Variants in MAPKBP1 observed in about 807,000 individuals in gnomAD.
MAPKBP1 encodes the protein mitogen-activated protein kinase binding protein 1.
In MAPKBP1, 71 loss-of-function variants were observed where a neutral mutation model predicts 170.5. The observed-to-expected ratio is 0.42, with a 90% CI of 0.34 to 0.51. The LOEUF (loss-of-function observed/expected upper bound fraction) is 0.51, where lower values mean the gene tolerates loss of function less well. MAPKBP1 is among the 20% of genes least tolerant of loss of function. The pLI is 0.06. For missense variants in MAPKBP1, 1,598 were observed against 1,933.0 expected, an observed-to-expected ratio of 0.83 and a Z score of 3.25; for synonymous variants, 719 against 757.9, an observed-to-expected ratio of 0.95 and a Z score of 0.84.
At chr15:41,813,881 C>T in intron 9 of MAPKBP1, 100 bp downstream of exon 9, 1 of 1,348,352 alleles carries the variant, frequency 7.4e-7, no homozygotes, top group Non-Finnish European at 1.0e-6. Context: ...TATTGATGCC[C>T]CAAAGATTAT....
At position 41,786,777 on chromosome 15, in the gene MAPKBP1, A is replaced by AAAAATATATAT; in HGVS notation, c.114+11389_114+11390insAAATATATATA. ...CAGACTCCGTCTAAAAAAAAAAAAA[A>AAAAATATATAT]ATATATATATATATATATATATATA... On this transcript the variant is annotated intron_variant, in intron 2 of 30. Coordinates refer to ENST00000457542, the MANE Select transcript of MAPKBP1 (RefSeq NM_014994.3). Among the ~76,000 whole-genome samples, 22 of 32,448 alleles carry AAAAATATATAT rather than the reference A, an allele frequency of 6.8e-4. 1 individual carries two copies. The highest frequency in any genetic ancestry group is 1.4e-3 in the African/African-American group (11 of 7,628). 21.3% of individuals were successfully genotyped at this position (32,448 alleles called of 152,430 possible).
chr15:41,823,089 G>C lies in MAPKBP1; in HGVS notation c.3465G>C (p.Gln1155His). The C allele has an allele frequency of 1.2e-6, 2 of 1,613,886 alleles. No individual in the cohort carries two copies. Among genetic ancestry groups the C allele is most frequent in the African/African-American group, 1.3e-5 (1 of 75,062 alleles). ...CGTCCTCTGGCAACCCCAGCCCCCA[G>C]CAGGCAGCCTCTGTGCTGTTGCCAC... is the stretch of plus-strand genomic sequence containing the variant. Reference protein sequence around the residue: ...VEPSSGNPSPQQAASVLLPRC... With the variant: ...VEPSSGNPSPHQAASVLLPRC... The change falls in exon 28 of 31, where the codon CAG becomes CAC. Residue 1155 changes from glutamine (Q) to histidine (H), a missense_variant. Gln to His is a conservative substitution (Grantham distance 24, BLOSUM62 0). Coordinates refer to ENST00000457542, the MANE Select transcript of MAPKBP1 (RefSeq NM_014994.3).
At chr15:41,797,126 T>A (rs1314299153) in intron 2 of MAPKBP1, among the ~76,000 whole-genome samples, 2 of 152,198 alleles carry the variant, frequency 1.3e-5, no homozygotes, top group Non-Finnish European at 2.9e-5. Flanking sequence ...CTTCTTGCTT[T>A]AGAGAATTAA....
Position 41,826,347 on chromosome 15 carries a change from C to T in MAPKBP1, c.*911C>T, listed in dbSNP as rs1049864245. The T allele has an allele frequency of 3.9e-5, 6 of 152,472 alleles. No individual in the cohort carries two copies. Among genetic ancestry groups the T allele is most frequent in the African/African-American group, 1.4e-4 (6 of 41,456 alleles). The allele number at this position is 152,472 out of a possible 1,614,324, so 9.4% of individuals were successfully genotyped here. ...CGTTTACGGGGCGCTGGCCTACCTC[C>T]TGAGGACCTCAGCCACAGATGAGAT... On this transcript the variant is annotated 3_prime_UTR_variant, in exon 31 of 31. Coordinates refer to ENST00000457542, the MANE Select transcript of MAPKBP1 (RefSeq NM_014994.3).
chr15:41,803,420 A>AG (rs1206263228), intron 3 of MAPKBP1, among the ~76,000 whole-genome samples: 1 of 144,790 alleles, frequency 6.9e-6, no homozygotes, highest in African/African-American at 2.6e-5. Context: ...TCTCAAAAAA[A>AG]AAAAAAAAAA....
intron 3 of MAPKBP1, 40 bp from the exon 4 acceptor site, chr15:41,810,843 G>A (rs1158595881): frequency 6.2e-7 from 1 of 1,604,028 alleles, no homozygotes; most frequent in East Asian, 2.2e-5. Flanking sequence ...TGGGGGAGCT[G>A]TGGTTTGCTG....
chr15:41,813,559 T>C, intron 8 of MAPKBP1, 62 bp from the exon 9 acceptor site: 2 of 1,583,804 alleles, frequency 1.3e-6, no homozygotes, highest in East Asian at 2.2e-5. Flanking sequence ...TGTTGATGGG[T>C]GGGGAGGAGA....
At chr15:41,784,301 C>G (rs2064242380) in intron 2 of MAPKBP1, among the ~76,000 whole-genome samples, 1 of 152,154 alleles carries the variant, frequency 6.6e-6, no homozygotes, top group South Asian at 2.1e-4. Flanking sequence ...CACTGAGATA[C>G]TGCCTCATGA....
At position 41,775,289 on chromosome 15, in the gene MAPKBP1, G is replaced by C; in HGVS notation, c.14G>C (p.Gly5Ala). The C allele has an allele frequency of 6.2e-7, 1 of 1,613,924 alleles. No individual in the cohort carries two copies. The highest frequency in any genetic ancestry group is 8.5e-7 in the Non-Finnish European group (1 of 1,179,816). Residue 5 changes from glycine (G) to alanine (A), a missense_variant, in exon 2 of 31, where the codon GGG (glycine) becomes GCG (alanine). Physicochemically the swap from Gly to Ala is moderately conservative, Grantham distance 60 (BLOSUM62 0). This residue lies in a region of MAPKBP1 where 151 missense variants were observed against 191.4 expected (regional missense o/e 0.79). Coordinates refer to ENST00000457542, the MANE Select transcript of MAPKBP1 (RefSeq NM_014994.3). Reference protein sequence around the residue: MAVEGSTITSRIKNL... With the variant: MAVEASTITSRIKNL... ...TTTCTCGTCATAATGGCTGTGGAAG[G>C]GTCAACCATTACCAGCCGGATCAAG...
In MAPKBP1 at chr15:41,819,667, A is replaced by C. The variant is rs1277499382; in HGVS notation, c.2481+17A>C. ...ATGAGTCGGGTGAGTCGCCATTGTT[A>C]AAATGTTCTTCCAAGGTTAGAGGAG... On this transcript the variant is annotated intron_variant, in intron 22 of 30. Coordinates refer to ENST00000457542, the MANE Select transcript of MAPKBP1 (RefSeq NM_014994.3). The C allele has an allele frequency of 6.2e-7, 1 of 1,604,816 alleles. No individual in the cohort carries two copies. Among genetic ancestry groups the C allele is most frequent in the Non-Finnish European group, 8.5e-7 (1 of 1,174,728 alleles).
At chr15:41,801,377 G>C (rs1299695785) in intron 3 of MAPKBP1, among the ~76,000 whole-genome samples, 1 of 152,172 alleles carries the variant, frequency 6.6e-6, no homozygotes, top group Non-Finnish European at 1.5e-5. Context: ...GGCTCACTCT[G>C]TTCCATGCTG....
At position 41,790,732 on chromosome 15, in the gene MAPKBP1, A is replaced by G. The variant is rs142543131; in HGVS notation, c.115-9091A>G. On this transcript the variant is annotated intron_variant, in intron 2 of 30. Coordinates refer to ENST00000457542, the MANE Select transcript of MAPKBP1 (RefSeq NM_014994.3). ...ACATCAGCCAAACTGGGTAGAGACC[A>G]GGAGCAGAGACTAGACCCAAGGTCT... is the stretch of plus-strand genomic sequence containing the variant. Among the ~76,000 whole-genome samples, 1,162 of 152,326 alleles carry G rather than the reference A, an allele frequency of 7.6e-3. 11 individuals carry two copies. The highest frequency in any genetic ancestry group is 0.011 in the Non-Finnish European group (773 of 68,026).
chr15:41,816,333 C>T, intron 12 of MAPKBP1: 1 of 554,472 alleles, frequency 1.8e-6, no homozygotes. Flanking sequence ...ATTATACCAA[C>T]ATAAATTTCC....
In MAPKBP1 at chr15:41,817,311, C is replaced by T; in HGVS notation, c.1712-77C>T. On this transcript the variant is annotated intron_variant, in intron 14 of 30. Coordinates refer to ENST00000457542, the MANE Select transcript of MAPKBP1 (RefSeq NM_014994.3). The surrounding 1 kb of genome is among the most constrained non-coding windows in gnomAD (Gnocchi z 4.2). ...TGTAGAGTAGCTTGATGGGGGATCT[C>T]ATGGAGGGAAGGTGGGAGGCAGGCT... 1 of 1,460,172 alleles carries T rather than the reference C, an allele frequency of 6.8e-7. No homozygotes were observed. Among genetic ancestry groups the T allele is most frequent in the South Asian group, 1.1e-5 (1 of 87,688 alleles). The allele number at this position is 1,460,172 out of a possible 1,614,324, so 90.5% of individuals were successfully genotyped here.
At chr15:41,816,157 C>T (rs1291601723) in intron 12 of MAPKBP1, 3 of 321,998 alleles carry the variant, frequency 9.3e-6, no homozygotes, top group East Asian at 5.9e-5. Context: ...TCTTCAAAAA[C>T]GTCAAGATCA....
chr15:41,821,184 T>G lies in MAPKBP1; in HGVS notation c.2718+116T>G, dbSNP rs79372875. ...ATGCTTGCTCTGCCCCTGTGGCACA[T>G]GGGTAACCTGAACTGCAAAGCCAGG... On this transcript the variant is annotated intron_variant, in intron 23 of 30. Transcript: ENST00000457542. The G allele has an allele frequency of 7.2e-6, 7 of 971,932 alleles. No homozygotes were observed. The Admixed American group carries it at 1.3e-4, about 18-fold the overall frequency. The allele number at this position is 971,932 out of a possible 1,614,324, so 60.2% of individuals were successfully genotyped here.
intron 11 of MAPKBP1, 102 bp downstream of exon 11, chr15:41,815,507 C>T: frequency 1.3e-6 from 2 of 1,556,208 alleles, no homozygotes; most frequent in Non-Finnish European, 1.7e-6. Flanking sequence ...CTTGGCCTTC[C>T]AGCCTTCATT....
At chr15:41,816,880 C>T in intron 13 of MAPKBP1, 30 bp from the exon 14 acceptor site, 1 of 1,583,318 alleles carries the variant, frequency 6.3e-7, no homozygotes, top group Non-Finnish European at 8.6e-7. Context: ...TCAGGGCACT[C>T]ATGGGCTGAT....
chr15:41,821,632 C>T lies in MAPKBP1; in HGVS notation c.2767C>T (p.His923Tyr), dbSNP rs762002828. ...PQASQPCSYP[H>Y]IIRLLSQEEG... ...GGCTTCCCAACCTTGTTCCTATCCC[C>T]ATATTATCCGATTATTGTCACAAGA... Residue 923 changes from histidine (H) to tyrosine (Y), a missense_variant, in exon 24 of 31, where the codon CAT becomes TAT. Transcript: ENST00000457542. 6.2e-7 allele frequency: 1 copy of T among 1,614,094 alleles called. No individual in the cohort carries two copies. Among genetic ancestry groups the T allele is most frequent in the African/African-American group, 1.3e-5 (1 of 75,012 alleles).
Sources: allele counts gnomAD v4.1 joint callset (sites outside exome capture counted in the v4.1 genomes callset), GRCh38; gene constraint gnomAD v4.1.1; regional missense constraint gnomAD v4.1.1; non-coding constraint Gnocchi (gnomAD v3.1); transcripts MANE v1.5; gene names NCBI Gene and HGNC (gene_info 2026-07-23, HGNC 2026-07-21).